TSPEAR: variants seen among roughly 807,000 people sequenced by gnomAD.
TSPEAR encodes thrombospondin type laminin G domain and EAR repeats.
A neutral mutation model predicts 71.6 loss-of-function variants in TSPEAR; 69 were observed. The observed-to-expected ratio is 0.96, with a 90% CI of 0.79 to 1.18. The LOEUF is 1.18. TSPEAR is among the 50% of genes most tolerant of loss of function. The pLI is 0.00. For missense variants in TSPEAR, 971 were observed against 894.9 expected, an observed-to-expected ratio of 1.09 and a Z score of -1.09; for synonymous variants, 402 against 387.2, an observed-to-expected ratio of 1.04 and a Z score of -0.45.
At chr21:44,707,298 G>A (rs1287112932) in intron 1 of TSPEAR, among the ~76,000 whole-genome samples, 2 of 111,438 alleles carry the variant, frequency 1.8e-5, no homozygotes, top group Admixed American at 9.3e-5. Flanking sequence ...GAAAGGACGC[G>A]GGGTGGGGGG....
chr21:44,533,289 G>A (rs1442258331), intron 3 of TSPEAR, among the ~76,000 whole-genome samples: 1 of 152,208 alleles, frequency 6.6e-6, no homozygotes, highest in African/African-American at 2.4e-5. Flanking sequence ...CCCACAGATG[G>A]TGAGCCTGCC....
intron 1 of TSPEAR, chr21:44,677,769 G>T (rs1793251179): frequency 1.5e-5 from 20 of 1,330,094 alleles, no homozygotes; most frequent in Non-Finnish European, 1.9e-5. Context: ...TAGTGGACCA[G>T]ACTGAGTTGA....
intron 1 of TSPEAR, chr21:44,575,501 G>A (rs146550358): frequency 1.2e-3 from 203 of 169,216 alleles, no homozygotes; most frequent in Non-Finnish European, 1.9e-3. Flanking sequence ...GTTCCCAGGG[G>A]TCCAGGCTAG....
chr21:44,499,769 G>A lies in TSPEAR; in HGVS notation c.*14C>T, dbSNP rs368391929. The A allele has an allele frequency of 6.8e-5, 105 of 1,548,618 alleles. No individual in the cohort carries two copies. The African/African-American group carries it at 1.1e-3, about 16-fold the overall frequency. On this transcript the variant is annotated 3_prime_UTR_variant, in exon 12 of 12. Transcript: ENST00000323084. The stretch of plus-strand genomic sequence containing the variant: ...CCACCTGGCCACCCCAGTTGCTGCC[G>A]GGCAGCCGCGGCCTCAGCGTGTCCT...
chr21:44,634,260 A>G (rs1236671233), intron 1 of TSPEAR, among the ~76,000 whole-genome samples: 5 of 152,132 alleles, frequency 3.3e-5, no homozygotes, highest in Non-Finnish European at 7.3e-5. Flanking sequence ...CTCTGTTTTA[A>G]TGGTGCTAGG....
chr21:44,508,248 T>C, intron 10 of TSPEAR: 1 of 158,816 alleles, frequency 6.3e-6, no homozygotes, highest in Non-Finnish European at 1.4e-5. Flanking sequence ...TCACTGCACC[T>C]CACCCAGCCC....
intron 1 of TSPEAR, chr21:44,591,575 C>T (rs374260737): frequency 2.4e-5 from 39 of 1,612,686 alleles, no homozygotes; most frequent in Admixed American, 1.0e-4. Flanking sequence ...AGGAGGGACA[C>T]GGAGGAGGAG....
At chr21:44,606,234 A>G (rs1569215958) in intron 1 of TSPEAR, among the ~76,000 whole-genome samples, 2 of 152,038 alleles carry the variant, frequency 1.3e-5, no homozygotes, top group Admixed American at 6.6e-5. Context: ...CATTTCTCAA[A>G]AGAAGCCATT....
chr21:44,513,600 G>A (rs1168636374), intron 9 of TSPEAR, among the ~76,000 whole-genome samples: 2 of 152,172 alleles, frequency 1.3e-5, no homozygotes, highest in African/African-American at 4.8e-5. Context: ...CTGGGATGAT[G>A]GTGCTTCCGG....
At position 44,574,532 on chromosome 21, in the gene TSPEAR, G is replaced by A. The variant is rs368235814; in HGVS notation, c.83-6527C>T. ...GCTGCCAGCAGTCTAGCTGCCAGCC[G>A]GCTTGCTGCACCTCCTCTCCCTGCC... is the stretch of plus-strand genomic sequence containing the variant. On this transcript the variant is annotated intron_variant, in intron 1 of 11. Coordinates refer to ENST00000323084, the MANE Select transcript of TSPEAR (RefSeq NM_144991.3). The A allele has an allele frequency of 5.1e-4, 807 of 1,588,994 alleles. 6 individuals are homozygous for A. The African/African-American group carries it at 9.8e-3, about 19-fold the overall frequency.
At chr21:44,530,024 G>T in intron 4 of TSPEAR, 70 bp from the exon 5 acceptor site, 1 of 1,445,296 alleles carries the variant, frequency 6.9e-7, no homozygotes, top group Non-Finnish European at 9.1e-7. Context: ...GGCGACCACT[G>T]AGCTTGGCCC....
At chr21:44,614,630 C>T (rs1411478505) in intron 1 of TSPEAR, among the ~76,000 whole-genome samples, 2 of 152,188 alleles carry the variant, frequency 1.3e-5, no homozygotes, top group African/African-American at 2.4e-5. Context: ...GGGTGTTGGG[C>T]TGGGGGGACC....
In TSPEAR at chr21:44,532,111, C is replaced by T. The variant is rs782640161; in HGVS notation, c.543-978G>A. Reference sequence around the variant, plus strand: ...TGGCCCCCAAGCCCTGGCCTGTACCCTCCGTAGCAGCCTGCCAAGGGGTTA... The same window carrying T: ...TGGCCCCCAAGCCCTGGCCTGTACCTTCCGTAGCAGCCTGCCAAGGGGTTA... On this transcript the variant is annotated intron_variant, in intron 3 of 11. Coordinates refer to ENST00000323084, the MANE Select transcript of TSPEAR (RefSeq NM_144991.3). Among the ~76,000 whole-genome samples the T allele has an allele frequency of 3.9e-5, 6 of 152,370 alleles. 1 individual carries two copies. Among genetic ancestry groups the T allele is most frequent in the Middle Eastern group, 3.4e-3 (1 of 294 alleles).
chr21:44,626,757 A>C (rs1555934437), intron 1 of TSPEAR, among the ~76,000 whole-genome samples: 1 of 152,084 alleles, frequency 6.6e-6, no homozygotes. Context: ...CCGTGTCCTG[A>C]GGCTGCTGGG....
chr21:44,696,055 C>T (rs1473198256), intron 1 of TSPEAR, among the ~76,000 whole-genome samples: 1 of 152,156 alleles, frequency 6.6e-6, no homozygotes, highest in Non-Finnish European at 1.5e-5. Flanking sequence ...ATAAAGAAAT[C>T]TTTCAACCTC....
intron 4 of TSPEAR, among the ~76,000 whole-genome samples, 190 bp downstream of exon 4, chr21:44,530,853 C>T (rs587726154): frequency 6.6e-6 from 1 of 152,334 alleles, no homozygotes; most frequent in Admixed American, 6.5e-5. Context: ...GACCCAAGAC[C>T]ATCAGGGAGG....
intron 11 of TSPEAR, among the ~76,000 whole-genome samples, chr21:44,502,523 ACTC>A (rs2052052905): frequency 6.6e-6 from 1 of 152,134 alleles, no homozygotes; most frequent in Non-Finnish European, 1.5e-5. Context: ...TACTTGGAAA[ACTC>A]CTGGAAATAA....
chr21:44,592,706 C>T (rs1473433077), intron 1 of TSPEAR, among the ~76,000 whole-genome samples: 3 of 152,090 alleles, frequency 2.0e-5, no homozygotes, highest in Non-Finnish European at 2.9e-5. Context: ...CCATGTGGAT[C>T]CCTGGCGGCA....
intron 9 of TSPEAR, chr21:44,516,013 G>A (rs1270113345): frequency 1.3e-5 from 2 of 152,300 alleles, no homozygotes; most frequent in Admixed American, 6.5e-5. Context: ...AGGGACACCT[G>A]TGGACGCCCT....
Sources: allele counts gnomAD v4.1 joint callset (sites outside exome capture counted in the v4.1 genomes callset), GRCh38; gene constraint gnomAD v4.1.1; transcripts MANE v1.5; gene names NCBI Gene and HGNC (gene_info 2026-07-23, HGNC 2026-07-21).